HOMER1: variants seen among roughly 807,000 people sequenced by gnomAD.
The protein encoded by HOMER1 is homer protein homolog 1.
HOMER1 carries 3 observed loss-of-function variants against 48.9 expected under a neutral mutation model. The ratio of observed to expected loss-of-function variants is 0.06; its 90% confidence interval spans 0.03 to 0.16. The LOEUF is 0.16. Among genes scored for constraint, HOMER1 ranks in the 10% least tolerant of loss-of-function variants. The pLI is 1.00. For synonymous variants in HOMER1, 134 were observed against 146.4 expected, an observed-to-expected ratio of 0.92 and a Z score of 0.61; for missense variants, 247 against 411.4, an observed-to-expected ratio of 0.60 and a Z score of 3.46.
At chr5:79,422,431 G>C (rs1424288915) in intron 5 of HOMER1, among the ~76,000 whole-genome samples, 1 of 151,888 alleles carries the variant, frequency 6.6e-6, no homozygotes, top group Admixed American at 6.6e-5. Flanking sequence ...TCTCCATATG[G>C]TGACTTAAAA....
intron 6 of HOMER1, among the ~76,000 whole-genome samples, chr5:79,399,611 A>C (rs544320945): frequency 6.6e-6 from 1 of 152,202 alleles, no homozygotes; most frequent in Non-Finnish European, 1.5e-5. Flanking sequence ...GCATAAGTAC[A>C]CAACTCCACA....
intron 2 of HOMER1, among the ~76,000 whole-genome samples, chr5:79,453,651 C>T (rs1392683205): frequency 6.6e-6 from 1 of 152,144 alleles, no homozygotes; most frequent in African/African-American, 2.4e-5. Context: ...AATGCAGTGT[C>T]ATTACTACCT....
intron 8 of HOMER1, among the ~76,000 whole-genome samples, chr5:79,385,370 C>G (rs1749082591): frequency 6.6e-6 from 1 of 151,992 alleles, no homozygotes; most frequent in Non-Finnish European, 1.5e-5. Context: ...GGACTAATAT[C>G]CAGAATATAC....
chr5:79,391,241 G>A (rs111341702), intron 8 of HOMER1, among the ~76,000 whole-genome samples: 37 of 150,496 alleles, frequency 2.5e-4, no homozygotes, highest in African/African-American at 8.5e-4. Flanking sequence ...GGGCTCAAAC[G>A]TTCTTCCCAC....
chr5:79,408,666 C>A (rs1749732594), intron 5 of HOMER1, among the ~76,000 whole-genome samples: 1 of 152,048 alleles, frequency 6.6e-6, no homozygotes, highest in African/African-American at 2.4e-5. Flanking sequence ...TGAAAAAATT[C>A]TTTGTGACCT....
At chr5:79,442,130 CTCT>C (rs1750754550) in intron 4 of HOMER1, among the ~76,000 whole-genome samples, 1 of 151,552 alleles carries the variant, frequency 6.6e-6, no homozygotes, top group African/African-American at 2.4e-5. Flanking sequence ...TTCTGAGAAA[CTCT>C]CCCTATAACT....
At position 79,374,430 on chromosome 5, in the gene HOMER1, TACAC is replaced by T. The variant is rs1233895954; in HGVS notation, c.*1575_*1578del. Reference sequence around the variant, plus strand: ...ATTAATATGTATGTATTTACGTACATACACATACATAAAAAACAAAATTGTCTAG... The same window carrying T: ...ATTAATATGTATGTATTTACGTACATATACATAAAAAACAAAATTGTCTAG... On this transcript the variant is annotated 3_prime_UTR_variant, in exon 9 of 9. Coordinates refer to ENST00000334082, the MANE Select transcript of HOMER1 (RefSeq NM_004272.5). 1.3e-5 allele frequency: 2 copies of T among 152,390 alleles called. No individual in the cohort carries two copies. The highest frequency in any genetic ancestry group is 4.8e-5 in the African/African-American group (2 of 41,428). The allele number at this position is 152,390 out of a possible 1,614,324, so 9.4% of individuals were successfully genotyped here.
intron 1 of HOMER1, among the ~76,000 whole-genome samples, chr5:79,500,619 T>G (rs1752549474): frequency 6.7e-6 from 1 of 148,576 alleles, no homozygotes; most frequent in Admixed American, 6.9e-5. Context: ...TAATAAACAA[T>G]AAATATATTT....
chr5:79,377,288 T>C (rs181110548), intron 8 of HOMER1, among the ~76,000 whole-genome samples: 3 of 152,192 alleles, frequency 2.0e-5, no homozygotes, highest in Middle Eastern at 3.4e-3. Flanking sequence ...TAAAATTGTC[T>C]CTAAATGTGA....
chr5:79,469,664 T>C (rs1241845935), intron 1 of HOMER1, among the ~76,000 whole-genome samples: 1 of 141,548 alleles, frequency 7.1e-6, no homozygotes, highest in Non-Finnish European at 1.6e-5. Flanking sequence ...GACTTATAAT[T>C]TGCCTTTTTT....
At chr5:79,469,919 T>A (rs541515381) in intron 1 of HOMER1, among the ~76,000 whole-genome samples, 2 of 152,366 alleles carry the variant, frequency 1.3e-5, no homozygotes, top group South Asian at 4.1e-4. Context: ...TGTGCTTAGA[T>A]GCATTAGCTC....
chr5:79,402,051 C>A lies in HOMER1; in HGVS notation c.532G>T (p.Ala178Ser). The A allele has an allele frequency of 6.2e-7, 1 of 1,612,120 alleles. No individual in the cohort carries two copies. The highest frequency in any genetic ancestry group is 1.1e-5 in the South Asian group (1 of 90,936). The change falls in exon 6 of 9, where the codon GCA becomes TCA. Residue 178 changes from alanine to serine, a missense_variant. Around this residue, in one of 4 missense-constraint regions of HOMER1, gnomAD observed 94 missense variants for 112.4 expected, o/e 0.84. Coordinates refer to ENST00000334082, the MANE Select transcript of HOMER1 (RefSeq NM_004272.5). ...QNALPFSHSS[A>S]ISKHWEAELA... ...TCAGCCTCCCAATGTTTGCTGATTGCTGAACTAAAATAAAACAAAAAGAAA... is the reference window on the plus strand; with the variant it reads ...TCAGCCTCCCAATGTTTGCTGATTGATGAACTAAAATAAAACAAAAAGAAA...
chr5:79,500,927 T>TTGTGTGTGTGTGTGTGTG (rs367742665), intron 1 of HOMER1, among the ~76,000 whole-genome samples: 68 of 124,360 alleles, frequency 5.5e-4, no homozygotes, highest in South Asian at 2.8e-3. Context: ...ACCCAGCCAT[T>TTGTGTGTGTGTGTGTGTG]TGTGTGTGTG....
chr5:79,384,570 T>TA (rs1159341767), intron 8 of HOMER1, among the ~76,000 whole-genome samples: 2 of 152,024 alleles, frequency 1.3e-5, no homozygotes, highest in Non-Finnish European at 2.9e-5. Context: ...TACAAAACAA[T>TA]AAATAACTAA....
intron 1 of HOMER1, among the ~76,000 whole-genome samples, chr5:79,464,291 C>T (rs111346231): frequency 0.025 from 3,766 of 152,194 alleles, 152 homozygotes; most frequent in African/African-American, 0.086. Context: ...GCTGAAGGTA[C>T]ATCCAATTCC....
chr5:79,380,910 T>G (rs1027519565), intron 8 of HOMER1, among the ~76,000 whole-genome samples: 5 of 152,132 alleles, frequency 3.3e-5, no homozygotes, highest in Admixed American at 1.3e-4. Flanking sequence ...AACACCAGCA[T>G]GCACTGCACG....
At chr5:79,377,989 G>C (rs1748817883) in intron 8 of HOMER1, among the ~76,000 whole-genome samples, 1 of 152,090 alleles carries the variant, frequency 6.6e-6, no homozygotes, top group Non-Finnish European at 1.5e-5. Flanking sequence ...AACTCTGGGA[G>C]GCTGAATCAC....
In HOMER1 at chr5:79,484,962, T is replaced by C. The variant is rs142439101; in HGVS notation, c.5+27808A>G. On this transcript the variant is annotated intron_variant, in intron 1 of 8. Coordinates refer to ENST00000334082, the MANE Select transcript of HOMER1 (RefSeq NM_004272.5). ...AGTATTTCCTGAGGCCAACAACAGC[T>C]GTTCTCTTTGCTATTATCTATACCT... is the stretch of plus-strand genomic sequence containing the variant. Among the ~76,000 whole-genome samples the C allele has an allele frequency of 4.9e-3, 745 of 152,326 alleles. 5 individuals are homozygous for C. Among genetic ancestry groups the C allele is most frequent in the African/African-American group, 0.017 (715 of 41,560 alleles).
chr5:79,499,220 G>A (rs573080978), intron 1 of HOMER1, among the ~76,000 whole-genome samples: 1 of 152,196 alleles, frequency 6.6e-6, no homozygotes, highest in South Asian at 2.1e-4. Context: ...TAGAAAACTA[G>A]AGCCTGCCTA....
Sources: gnomAD v4.1 joint callset for allele counts (sites outside exome capture counted in the v4.1 genomes callset) on GRCh38, gnomAD v4.1.1 for gene constraint, gnomAD v4.1.1 regional missense constraint, MANE v1.5 for transcripts, NCBI Gene and HGNC (gene_info 2026-07-23, HGNC 2026-07-21) for gene names.